Variants in ADCY7 observed in about 807,000 individuals in gnomAD.
ADCY7 encodes the protein adenylate cyclase type 7.
ADCY7 carries 72 observed loss-of-function variants against 120.6 expected under a neutral mutation model. The observed-to-expected ratio is 0.60, with a 90% CI of 0.49 to 0.73. The LOEUF (loss-of-function observed/expected upper bound fraction) is 0.73, where lower values mean the gene tolerates loss of function less well. Among genes scored for constraint, ADCY7 ranks in the 30% least tolerant of loss-of-function variants. ADCY7 has a pLI of 0.00. For synonymous variants in ADCY7, 661 were observed against 628.0 expected (o/e 1.05, Z -0.78); for missense variants, 1,227 against 1,486.0 (o/e 0.83, Z 2.87).
At chr16:50,253,389 T>C (rs1158610734) in intron 1 of ADCY7, among the ~76,000 whole-genome samples, 1 of 152,172 alleles carries the variant, frequency 6.6e-6, no homozygotes, top group East Asian at 1.9e-4. Flanking sequence ...TAGCTGGGAT[T>C]TACAGATGTG....
intron 1 of ADCY7, among the ~76,000 whole-genome samples, chr16:50,253,515 A>G (rs2032820335): frequency 6.6e-6 from 1 of 152,108 alleles, no homozygotes; most frequent in African/African-American, 2.4e-5. Context: ...TGGCCTCCCA[A>G]AATGCTGGAA....
Position 50,317,818 on chromosome 16 carries a change from C to T in ADCY7, c.*2313C>T, listed in dbSNP as rs2036876113. ...AGTGACCTTCTCCATGGGTCAAGGACTTCCTTACAATTTCTCCTGAGTTAA... is the reference window on the plus strand; with the variant it reads ...AGTGACCTTCTCCATGGGTCAAGGATTTCCTTACAATTTCTCCTGAGTTAA... On this transcript the variant is annotated 3_prime_UTR_variant, in exon 26 of 26. Coordinates refer to ENST00000673801, the MANE Select transcript of ADCY7 (RefSeq NM_001114.5). 1 of 152,336 alleles carries T rather than the reference C, an allele frequency of 6.6e-6. No homozygotes were observed. Among genetic ancestry groups the T allele is most frequent in the East Asian group, 1.9e-4 (1 of 5,340 alleles). 9.4% of individuals were successfully genotyped at this position (152,336 alleles called of 1,614,324 possible). A position where few individuals can be genotyped will look rare whatever the true frequency, so the allele number is the denominator to read the frequency against.
At position 50,300,740 on chromosome 16, in the gene ADCY7, G is replaced by T. The variant is rs1209929217; in HGVS notation, c.1102G>T (p.Asp368Tyr). ...IKQVREATGVDINMRVGIHSG... is the reference protein window; with the variant it reads ...IKQVREATGVYINMRVGIHSG... ...GCAGGTGCGGGAGGCCACGGGCGTG[G>T]ACATCAACATGCGTGTGGGCATACA... Residue 368 changes from aspartate (D) to tyrosine (Y), a missense_variant, in exon 9 of 26, where the codon GAC becomes TAC. Asp to Tyr is a radical substitution (Grantham distance 160). Coordinates refer to ENST00000673801, the MANE Select transcript of ADCY7 (RefSeq NM_001114.5). 3.9e-6 allele frequency: 6 copies of T among 1,552,022 alleles called. No individual in the cohort carries two copies. In the South Asian group the frequency reaches 5.9e-5, roughly 15 times the overall value.
At chr16:50,310,566 G>T (rs934591257) in intron 18 of ADCY7, 121 bp from the exon 19 acceptor site, 11 of 1,564,886 alleles carry the variant, frequency 7.0e-6, no homozygotes, top group Middle Eastern at 3.3e-4. Context: ...TGAGAAGGGA[G>T]GTGGTAAGGC....
chr16:50,303,470 A>G (rs1438628726), intron 10 of ADCY7, among the ~76,000 whole-genome samples: 1 of 152,166 alleles, frequency 6.6e-6, no homozygotes, highest in African/African-American at 2.4e-5. Context: ...TTCAGGGGCT[A>G]AGGAGAGACT....
intron 4 of ADCY7, 50 bp downstream of exon 4, chr16:50,291,947 A>C: frequency 1.3e-6 from 2 of 1,543,498 alleles, no homozygotes; most frequent in South Asian, 1.3e-5. Context: ...TCTGGGTCTA[A>C]GGGCAGATGG....
upstream of ADCY7, among the ~76,000 whole-genome samples, chr16:50,266,212 C>A (rs1386417204): frequency 6.6e-6 from 1 of 152,232 alleles, no homozygotes; most frequent in Non-Finnish European, 1.5e-5. Flanking sequence ...ACAGGAGGCT[C>A]AGGCCAGGCC....
At chr16:50,276,918 G>T (rs1199865240) in intron 1 of ADCY7, among the ~76,000 whole-genome samples, 1 of 152,102 alleles carries the variant, frequency 6.6e-6, no homozygotes, top group East Asian at 1.9e-4. Flanking sequence ...AGGTGTGATG[G>T]GCCTGGGATT....
chr16:50,284,990 A>G (rs1383505556), intron 1 of ADCY7, among the ~76,000 whole-genome samples: 1 of 152,060 alleles, frequency 6.6e-6, no homozygotes, highest in African/African-American at 2.4e-5. Context: ...TCAGGCAGGG[A>G]CCTTATCTTG....
At chr16:50,309,685 G>A in intron 18 of ADCY7, 39 bp downstream of exon 18, 2 of 1,564,586 alleles carry the variant, frequency 1.3e-6, no homozygotes, top group Non-Finnish European at 1.7e-6. Context: ...CTCATTCAGA[G>A]TGGGGCTGCT....
Position 50,317,644 on chromosome 16 carries a change from AGTT to A in ADCY7, c.*2140_*2142del, listed in dbSNP as rs1489837124. 2.0e-5 allele frequency: 3 copies of A among 152,358 alleles called. No homozygotes were observed. Among genetic ancestry groups the A allele is most frequent in the Admixed American group, 6.5e-5 (1 of 15,292 alleles). The allele number at this position is 152,358 out of a possible 1,614,324, so 9.4% of individuals were successfully genotyped here. On this transcript the variant is annotated 3_prime_UTR_variant, in exon 26 of 26. Coordinates refer to ENST00000673801, the MANE Select transcript of ADCY7 (RefSeq NM_001114.5). ...TAATAGTTTGTAAGTAAAAGTTTTT[AGTT>A]TTCAGTGTTCAGGTTATAGAATATA...
Position 50,297,813 on chromosome 16 carries a change from G to A in ADCY7, c.949-1091G>A, listed in dbSNP as rs539636760. Among the ~76,000 whole-genome samples, 1 of 152,278 alleles carries A rather than the reference G, an allele frequency of 6.6e-6. No individual in the cohort carries two copies. The highest frequency in any genetic ancestry group is 1.5e-5 in the Non-Finnish European group (1 of 68,002). The stretch of plus-strand genomic sequence containing the variant: ...ACAGAGCCCTCTTAGCTCCCTCCTG[G>A]CCAGAAGCCAGAGCACAGGGCCACC... On this transcript the variant is annotated intron_variant, in intron 7 of 25. Transcript: ENST00000673801. This position sits in a 1 kb window ranked among gnomAD's most constrained non-coding sequence, Gnocchi z 4.4.
chr16:50,273,100 G>A (rs1357553330), intron 1 of ADCY7, among the ~76,000 whole-genome samples: 1 of 152,188 alleles, frequency 6.6e-6, no homozygotes, highest in Non-Finnish European at 1.5e-5. Context: ...TTTATGTCAC[G>A]ATTTCTCAGG....
In ADCY7 at chr16:50,301,189, G is replaced by C. The variant is rs758212385; in HGVS notation, c.1343G>C (p.Arg448Pro). The C allele has an allele frequency of 2.5e-6, 4 of 1,606,578 alleles. No individual in the cohort carries two copies. Among genetic ancestry groups the C allele is most frequent in the East Asian group, 2.3e-5 (1 of 44,440 alleles). Residue 448 changes from arginine to proline, a missense_variant, in exon 10 of 26, where the codon CGC (arginine) becomes CCC (proline). Around this residue, in one of 5 missense-constraint regions of ADCY7, gnomAD observed 332 missense variants for 455.8 expected, o/e 0.73. Coordinates refer to ENST00000673801, the MANE Select transcript of ADCY7 (RefSeq NM_001114.5). ...CCCTACCTCAAGGAGATGAACATCC[G>C]CACCTACCTGGTCATCGACCCCCGG... The part of the protein sequence containing the change: ...RDPYLKEMNI[R>P]TYLVIDPRSQ...
rs2036405283 is a variant in ADCY7 at position 50,310,758 on chromosome 16, G to A, written c.2232G>A (p.Lys744=). The A allele has an allele frequency of 6.2e-7, 1 of 1,614,052 alleles. No homozygotes were observed. ...TCCTGAGGATGAGCCTGGAGCCAAA[G>A]GTTGTGCTGCTGACAGTGGCCCTGG... is the stretch of plus-strand genomic sequence containing the variant. ...SVFLRMSLEP[K]VVLLTVALVA... is the part of the protein sequence containing the mutation. The change falls in exon 19 of 26, where the codon AAG becomes AAA. Residue 744 remains lysine (K), a synonymous_variant. Transcript: ENST00000673801.
At chr16:50,249,840 G>A (rs2032701955) in intron 1 of ADCY7, among the ~76,000 whole-genome samples, 1 of 152,246 alleles carries the variant, frequency 6.6e-6, no homozygotes, top group Admixed American at 6.5e-5. Flanking sequence ...GTGTGCACAG[G>A]AGGGTGCTCC....
Position 50,293,344 on chromosome 16 carries a change from C to A in ADCY7, c.688-10C>A. 1 of 1,611,764 alleles carries A rather than the reference C, an allele frequency of 6.2e-7. No individual in the cohort carries two copies. The highest frequency in any genetic ancestry group is 8.5e-7 in the Non-Finnish European group (1 of 1,178,510). On this transcript the variant is annotated splice_polypyrimidine_tract_variant and intron_variant, in intron 5 of 25. Coordinates refer to ENST00000673801, the MANE Select transcript of ADCY7 (RefSeq NM_001114.5). ...CTGGTCCCTCTGCTGGTCTGCCCAC[C>A]CACACCCAGGAGAACCTGCTGCTGT...
intron 1 of ADCY7, among the ~76,000 whole-genome samples, chr16:50,284,390 G>A (rs1186095170): frequency 2.0e-5 from 3 of 152,226 alleles, no homozygotes; most frequent in African/African-American, 7.2e-5. Flanking sequence ...GTGTTCCCAC[G>A]GGCCCTTGGG....
chr16:50,290,306 A>G (rs957880331), intron 2 of ADCY7, 151 bp from the exon 3 acceptor site: 1 of 798,404 alleles, frequency 1.3e-6, no homozygotes, highest in Non-Finnish European at 2.0e-6. Flanking sequence ...CAAAGGCCAG[A>G]AGGTGAGTGG....
Sources: gnomAD v4.1 joint callset for allele counts (sites outside exome capture counted in the v4.1 genomes callset) on GRCh38, gnomAD v4.1.1 for gene constraint, gnomAD v4.1.1 regional missense constraint, Gnocchi (gnomAD v3.1) non-coding constraint, MANE v1.5 for transcripts, NCBI Gene and HGNC (gene_info 2026-07-23, HGNC 2026-07-21) for gene names.